ARG2: variants seen among roughly 807,000 people sequenced by gnomAD.
ARG2 encodes arginase 2.
A neutral mutation model predicts 39.4 loss-of-function variants in ARG2; 21 were observed. That is an observed-to-expected ratio of 0.53 (90% CI 0.38 to 0.77). The LOEUF (loss-of-function observed/expected upper bound fraction) is 0.77, where lower values mean the gene tolerates loss of function less well. Ranked by LOEUF, ARG2 falls within the 30% of genes least tolerant of loss-of-function variation. ARG2 has a pLI of 0.00. For synonymous variants in ARG2, 150 were observed against 156.7 expected (o/e 0.96, Z 0.32); for missense variants, 378 against 426.2 (o/e 0.89, Z 1.00).
intron 2 of ARG2, among the ~76,000 whole-genome samples, chr14:67,641,748 G>A (rs2037033615): frequency 6.6e-6 from 1 of 152,060 alleles, no homozygotes; most frequent in Non-Finnish European, 1.5e-5. Context: ...GAGACCAGCT[G>A]GGGCAACATA....
At chr14:67,642,557 A>G (rs889414280) in intron 3 of ARG2, among the ~76,000 whole-genome samples, 194 bp downstream of exon 3, 6 of 152,140 alleles carry the variant, frequency 3.9e-5, no homozygotes, top group African/African-American at 1.4e-4. Flanking sequence ...TTTTCTTTGT[A>G]TGACACATTG....
At chr14:67,646,049 G>A (rs566915783) in intron 4 of ARG2, among the ~76,000 whole-genome samples, 63 of 152,340 alleles carry the variant, frequency 4.1e-4, no homozygotes, top group African/African-American at 1.5e-3. Flanking sequence ...CCCACAGCCT[G>A]AGGACTTCTT....
chr14:67,637,079 A>G (rs1207939434), intron 2 of ARG2, among the ~76,000 whole-genome samples: 4 of 152,174 alleles, frequency 2.6e-5, no homozygotes, highest in South Asian at 4.1e-4. Context: ...CTTATGACCT[A>G]TGAACCAGAA....
At position 67,620,854 on chromosome 14, in the gene ARG2, C is replaced by T. The variant is rs374647865; in HGVS notation, c.112-40C>T. On this transcript the variant is annotated intron_variant, in intron 1 of 7. Coordinates refer to ENST00000261783, the MANE Select transcript of ARG2 (RefSeq NM_001172.4). ...GTACCAAATGGGTTTTTTTCCGACA[C>T]CTTCTCTACCTCTAATTGTGTAATT... is the stretch of plus-strand genomic sequence containing the variant. 2.1e-5 allele frequency: 34 copies of T among 1,610,002 alleles called. No individual in the cohort carries two copies. In the Admixed American group the frequency reaches 3.4e-4, roughly 16 times the overall value.
At chr14:67,650,349 T>C (rs1008342797) in intron 7 of ARG2, 7 of 285,810 alleles carry the variant, frequency 2.4e-5, no homozygotes, top group African/African-American at 6.6e-5. Flanking sequence ...ATCTGGAAGG[T>C]TCCTAGTCAT....
intron 2 of ARG2, among the ~76,000 whole-genome samples, chr14:67,631,434 C>CTTTTT (rs1319430069): frequency 3.1e-4 from 35 of 113,118 alleles, no homozygotes; most frequent in East Asian, 5.1e-4. Flanking sequence ...TTCTTTCTTT[C>CTTTTT]TTTTTTTTTT....
chr14:67,634,399 C>G (rs1214436208), intron 2 of ARG2, among the ~76,000 whole-genome samples: 3 of 150,516 alleles, frequency 2.0e-5, no homozygotes, highest in Non-Finnish European at 2.9e-5. Context: ...TCAAGACCAG[C>G]CTGGGTAGCA....
At chr14:67,626,566 G>T (rs370008937) in intron 2 of ARG2, among the ~76,000 whole-genome samples, 5 of 152,236 alleles carry the variant, frequency 3.3e-5, no homozygotes, top group Middle Eastern at 3.4e-3. Context: ...AGGCTGGAGT[G>T]CAGTGGTGCA....
chr14:67,628,980 T>C (rs116371831), intron 2 of ARG2, among the ~76,000 whole-genome samples: 2,682 of 152,322 alleles, frequency 0.018, 68 homozygotes, highest in African/African-American at 0.054. Flanking sequence ...CAAGTGTCCA[T>C]TGATGGATGA....
intron 3 of ARG2, 134 bp downstream of exon 3, chr14:67,642,497 A>G (rs1408425747): frequency 2.8e-6 from 3 of 1,060,232 alleles, no homozygotes; most frequent in East Asian, 5.2e-5. Context: ...TAAAATGAAC[A>G]GCAAGCATTT....
chr14:67,637,636 A>C (rs923089400), intron 2 of ARG2, among the ~76,000 whole-genome samples: 5 of 152,230 alleles, frequency 3.3e-5, no homozygotes, highest in Middle Eastern at 6.8e-3. Context: ...ACCCAATACT[A>C]TTGGCACAGT....
At chr14:67,642,793 C>T (rs1054243849) in intron 3 of ARG2, among the ~76,000 whole-genome samples, 1,424 of 74,334 alleles carry the variant, frequency 0.019, 1 homozygote, top group Middle Eastern at 0.069. Flanking sequence ...ACTACATTTT[C>T]TTTTTTTTTT....
At chr14:67,642,082 GATT>G (rs1435347092) in intron 2 of ARG2, 101 bp from the exon 3 acceptor site, 1 of 1,116,968 alleles carries the variant, frequency 9.0e-7, no homozygotes, top group Non-Finnish European at 1.3e-6. Flanking sequence ...GTGACAAAAT[GATT>G]ATGATGTGTA....
rs373415905 is a variant in ARG2, at chr14:67,636,738, G to T, written c.185-5448G>T. On this transcript the variant is annotated intron_variant, in intron 2 of 7. Coordinates refer to ENST00000261783, the MANE Select transcript of ARG2 (RefSeq NM_001172.4). ...TAGTACTCGGTGTATTTTATTACCA[G>T]CACTCAGGAGAGAAGCAACAAGGCT... 2.6e-5 allele frequency among the ~76,000 whole-genome samples: 4 copies of T among 152,186 alleles called. No homozygotes were observed. The East Asian group carries it at 7.7e-4, about 29-fold the overall frequency.
chr14:67,626,641 T>C (rs547525829), intron 2 of ARG2, among the ~76,000 whole-genome samples: 141 of 152,300 alleles, frequency 9.3e-4, no homozygotes, highest in African/African-American at 3.2e-3. Context: ...CAGCTAACTT[T>C]TGTATTTTTA....
Position 67,619,986 on chromosome 14 carries a change from A to G in ARG2, c.9A>G (p.Leu3=), listed in dbSNP as rs759018343. 3 of 1,601,398 alleles carry G rather than the reference A, an allele frequency of 1.9e-6. No homozygotes were observed. The East Asian group carries it at 6.9e-5, about 37-fold the overall frequency. The part of the protein sequence containing the change: MS[L]RGSLSRLLQT... ...TCTCAGTGCTGCGGATCATGTCCCT[A>G]AGGGGCAGCCTCTCGCGTCTCCTCC... The change falls in exon 1 of 8, where the codon CTA becomes CTG. Residue 3 remains leucine (L), a synonymous_variant. Transcript: ENST00000261783.
chr14:67,639,698 A>C (rs1441191494), intron 2 of ARG2, among the ~76,000 whole-genome samples: 1 of 152,154 alleles, frequency 6.6e-6, no homozygotes, highest in Non-Finnish European at 1.5e-5. Flanking sequence ...AGGCAGGTGG[A>C]TCACTTGCGG....
chr14:67,637,410 CAAAAAA>C (rs34746542), intron 2 of ARG2, among the ~76,000 whole-genome samples: 60 of 103,632 alleles, frequency 5.8e-4, no homozygotes, highest in Non-Finnish European at 8.0e-4. Flanking sequence ...GACTCTGTCT[CAAAAAA>C]AAAAAAAAAA....
At chr14:67,638,620 A>G (rs1014346915) in intron 2 of ARG2, among the ~76,000 whole-genome samples, 1 of 152,154 alleles carries the variant, frequency 6.6e-6, no homozygotes, top group Admixed American at 6.5e-5. Flanking sequence ...CAAATTATAG[A>G]GTTGAGTTCG....
Sources: allele counts gnomAD v4.1 joint callset (sites outside exome capture counted in the v4.1 genomes callset), GRCh38; gene constraint gnomAD v4.1.1; transcripts MANE v1.5; gene names NCBI Gene and HGNC (gene_info 2026-07-23, HGNC 2026-07-21).